SNW1: variants seen among roughly 807,000 people sequenced by gnomAD.
SNW1 encodes SNW domain-containing protein 1.
Under a neutral mutation model 75.6 loss-of-function variants are expected in SNW1, and 9 were observed. That is an observed-to-expected ratio of 0.12 (90% CI 0.07 to 0.21). SNW1 has a LOEUF of 0.21. Among genes scored for constraint, SNW1 ranks in the 10% least tolerant of loss-of-function variants. The pLI is 1.00. For missense variants in SNW1, 409 were observed against 670.9 expected, an observed-to-expected ratio of 0.61 and a Z score of 4.31; for synonymous variants, 200 against 219.1, an observed-to-expected ratio of 0.91 and a Z score of 0.77.
At chr14:77,742,184 T>C (rs1287886614) in intron 3 of SNW1, among the ~76,000 whole-genome samples, 1 of 151,882 alleles carries the variant, frequency 6.6e-6, no homozygotes, top group East Asian at 1.9e-4. Flanking sequence ...TACAGGCGCA[T>C]GACACCACGT....
At chr14:77,721,786 C>T (rs964003278) in intron 11 of SNW1, among the ~76,000 whole-genome samples, 11 of 151,982 alleles carry the variant, frequency 7.2e-5, no homozygotes, top group African/African-American at 2.4e-4. Flanking sequence ...CTCACTCTGT[C>T]GCCCAGGCTG....
At chr14:77,722,484 T>G (rs2080549511) in intron 11 of SNW1, 1 of 454,986 alleles carries the variant, frequency 2.2e-6, no homozygotes. Flanking sequence ...AATAAAAGCA[T>G]GAAAGCTTAT....
At chr14:77,723,814 C>T (rs1288198914) in intron 10 of SNW1, among the ~76,000 whole-genome samples, 2 of 152,216 alleles carry the variant, frequency 1.3e-5, no homozygotes, top group East Asian at 1.9e-4. Flanking sequence ...ACCACCATGC[C>T]GGGCTAATTT....
Position 77,751,312 on chromosome 14 carries a change from G to A in SNW1, c.330+7C>T, listed in dbSNP as rs2080805455. 2 of 1,605,734 alleles carry A rather than the reference G, an allele frequency of 1.2e-6. No individual in the cohort carries two copies. The highest frequency in any genetic ancestry group is 1.7e-6 in the Non-Finnish European group (2 of 1,176,268). On this transcript the variant is annotated splice_region_variant and intron_variant, in intron 3 of 13. Transcript: ENST00000261531. ...TTTATCATTCAGGGAAAACATGAGA[G>A]GATTACCTTGTCTTTTGACTGTCCT...
At chr14:77,743,825 C>A (rs554635621) in intron 3 of SNW1, among the ~76,000 whole-genome samples, 1 of 152,164 alleles carries the variant, frequency 6.6e-6, no homozygotes, top group African/African-American at 2.4e-5. Flanking sequence ...TGAAGATGGT[C>A]CTAAACAATC....
chr14:77,725,946 C>G (rs1037832746), intron 10 of SNW1, among the ~76,000 whole-genome samples: 2 of 152,140 alleles, frequency 1.3e-5, no homozygotes, highest in Non-Finnish European at 2.9e-5. Context: ...GCATTTATAG[C>G]CGATCCATTT....
At chr14:77,753,527 C>T (rs2139932406) in intron 2 of SNW1, among the ~76,000 whole-genome samples, 1 of 152,184 alleles carries the variant, frequency 6.6e-6, no homozygotes, top group Admixed American at 6.5e-5. Flanking sequence ...ATATGACTGG[C>T]CTTCACACAC....
intron 2 of SNW1, among the ~76,000 whole-genome samples, chr14:77,752,233 G>A (rs1157857668): frequency 1.3e-5 from 2 of 152,030 alleles, no homozygotes; most frequent in African/African-American, 4.8e-5. Context: ...TTTATTCATT[G>A]TTATGTGAGA....
rs1041168767 is a variant in SNW1 at position 77,721,016 on chromosome 14, G to A, written c.1131-188C>T. 7 of 568,678 alleles carry A rather than the reference G, an allele frequency of 1.2e-5. No individual in the cohort carries two copies. The African/African-American group carries it at 1.3e-4, about 11-fold the overall frequency. 35.2% of individuals were successfully genotyped at this position (568,678 alleles called of 1,614,324 possible). A position where few individuals can be genotyped will look rare whatever the true frequency, so the allele number is the denominator to read the frequency against. On this transcript the variant is annotated intron_variant, in intron 11 of 13. Transcript: ENST00000261531. ...TATAAAGCATTTCAGATTAGAGGGAGAGTTTTACAATTAGGACGTCCTGTT... is the reference window on the plus strand; with the variant it reads ...TATAAAGCATTTCAGATTAGAGGGAAAGTTTTACAATTAGGACGTCCTGTT...
intron 8 of SNW1, chr14:77,734,134 A>G (rs545761304): frequency 7.2e-5 from 15 of 208,290 alleles, no homozygotes; most frequent in African/African-American, 3.0e-4. Flanking sequence ...AGGGAAGATG[A>G]AACAGTAACT....
intron 12 of SNW1, among the ~76,000 whole-genome samples, chr14:77,719,421 A>G (rs952138354): frequency 6.6e-6 from 1 of 152,130 alleles, no homozygotes; most frequent in Non-Finnish European, 1.5e-5. Flanking sequence ...GAGGATCACG[A>G]GGTCAGGAGT....
chr14:77,721,099 A>G (rs1005916939), intron 11 of SNW1: 1 of 382,802 alleles, frequency 2.6e-6, no homozygotes, highest in East Asian at 5.5e-5. Context: ...ATAAGCAATC[A>G]CCTTACAACC....
At chr14:77,729,074 G>A (rs1167771391) in intron 10 of SNW1, among the ~76,000 whole-genome samples, 2 of 151,994 alleles carry the variant, frequency 1.3e-5, no homozygotes, top group Non-Finnish European at 2.9e-5. Context: ...TATAACTGAG[G>A]GAAGTGGATC....
chr14:77,719,023 C>T (rs926390921), intron 12 of SNW1, among the ~76,000 whole-genome samples: 1 of 152,154 alleles, frequency 6.6e-6, no homozygotes, highest in Non-Finnish European at 1.5e-5. Flanking sequence ...AGGTGTTCCT[C>T]CCACCTCAGC....
intron 12 of SNW1, among the ~76,000 whole-genome samples, chr14:77,719,400 G>T (rs1347782380): frequency 6.6e-6 from 1 of 152,146 alleles, no homozygotes; most frequent in African/African-American, 2.4e-5. Flanking sequence ...CACTTTGGGA[G>T]GCCAAGGCAG....
intron 3 of SNW1, among the ~76,000 whole-genome samples, chr14:77,747,526 G>A (rs1016535753): frequency 7.5e-4 from 113 of 151,374 alleles, no homozygotes; most frequent in African/African-American, 2.5e-3. Context: ...CCTCTGCCCC[G>A]CCGCCCGGTC....
At chr14:77,726,974 GT>G (rs1476032807) in intron 10 of SNW1, among the ~76,000 whole-genome samples, 1 of 152,032 alleles carries the variant, frequency 6.6e-6, no homozygotes, top group Non-Finnish European at 1.5e-5. Flanking sequence ...TCGTTTATCA[GT>G]TTTAAGTTTT....
chr14:77,722,590 C>A, intron 11 of SNW1: 1 of 410,138 alleles, frequency 2.4e-6, no homozygotes, highest in South Asian at 1.7e-5. Flanking sequence ...ACATCCTTTT[C>A]AAAAATCTGA....
intron 2 of SNW1, among the ~76,000 whole-genome samples, chr14:77,751,839 CA>C (rs60873200): frequency 0.024 from 2,804 of 118,512 alleles, 74 homozygotes; most frequent in African/African-American, 0.076. Context: ...CACACACACA[CA>C]CACACCACAC....
Sources: gnomAD v4.1 joint callset for allele counts (sites outside exome capture counted in the v4.1 genomes callset) on GRCh38, gnomAD v4.1.1 for gene constraint, MANE v1.5 for transcripts, NCBI Gene and HGNC (gene_info 2026-07-23, HGNC 2026-07-21) for gene names.